The following CA8 variants were observed in gnomAD, a reference collection of about 807,000 sequenced individuals.
The protein encoded by CA8 is carbonic anhydrase 8 (inactive), also known as carbonic anhydrase-related protein.
Under a neutral mutation model 41.4 loss-of-function variants are expected in CA8, and 22 were observed. The observed-to-expected ratio is 0.53, with a 90% CI of 0.38 to 0.76. The LOEUF (loss-of-function observed/expected upper bound fraction) is 0.76, where lower values mean the gene tolerates loss of function less well. Ranked by LOEUF, CA8 falls within the 30% of genes least tolerant of loss-of-function variation. The pLI is 0.00. For synonymous variants in CA8, 121 were observed against 130.6 expected (o/e 0.93, Z 0.50); for missense variants, 270 against 352.8 (o/e 0.77, Z 1.88).
In CA8 at chr8:60,212,395, T is replaced by C. The variant is rs527595788; in HGVS notation, c.739-3476A>G. Among the ~76,000 whole-genome samples the C allele has an allele frequency of 2.0e-5, 3 of 152,318 alleles. 1 individual carries two copies. In the Middle Eastern group the frequency reaches 0.01, roughly 518 times the overall value. Reference sequence around the variant, plus strand: ...AAAAGAGAAATACAACACATAAAAGTCAGTATGCTCTATCCATTAACCCAT... The same window carrying C: ...AAAAGAGAAATACAACACATAAAAGCCAGTATGCTCTATCCATTAACCCAT... On this transcript the variant is annotated intron_variant, in intron 7 of 8. Transcript: ENST00000317995.
At chr8:60,222,225 C>T (rs1162637237) in intron 7 of CA8, among the ~76,000 whole-genome samples, 1 of 152,170 alleles carries the variant, frequency 6.6e-6, no homozygotes, top group South Asian at 2.1e-4. Context: ...TAGGGCACTC[C>T]TTCTGGGTCC....
intron 2 of CA8, among the ~76,000 whole-genome samples, chr8:60,274,155 G>C (rs1804154404): frequency 2.3e-5 from 1 of 43,882 alleles, no homozygotes; most frequent in African/African-American, 1.2e-4. Context: ...TTCTTGTGTG[G>C]ATTTTTTTTT....
At chr8:60,279,000 C>T (rs80275079) in intron 2 of CA8, among the ~76,000 whole-genome samples, 2,981 of 152,220 alleles carry the variant, frequency 0.02, 84 homozygotes, top group African/African-American at 0.066. Flanking sequence ...CTCTTTCCTA[C>T]GATAAAGCCA....
At chr8:60,249,405 C>A (rs1808363854) in intron 3 of CA8, among the ~76,000 whole-genome samples, 1 of 152,094 alleles carries the variant, frequency 6.6e-6, no homozygotes. Context: ...TACCTAAAAC[C>A]AATGCACTCA....
intron 7 of CA8, among the ~76,000 whole-genome samples, chr8:60,211,307 T>TA (rs1165674981): frequency 6.6e-6 from 1 of 152,228 alleles, no homozygotes; most frequent in Non-Finnish European, 1.5e-5. Context: ...GATAAATATT[T>TA]AGCTACAGTT....
rs189335428 is a variant in CA8 at position 60,207,143 on chromosome 8, G to A, written c.*35+1607C>T. ...AAACTCTCTAACCTCTGCCCATGTC[G>A]TGGTGAAGAAAAAGGGCTCTGCCAG... On this transcript the variant is annotated intron_variant, in intron 8 of 8. Coordinates refer to ENST00000317995, the MANE Select transcript of CA8 (RefSeq NM_004056.6). Among the ~76,000 whole-genome samples, 850 of 152,156 alleles carry A rather than the reference G, an allele frequency of 5.6e-3. 8 individuals carry two copies. Among genetic ancestry groups the A allele is most frequent in the African/African-American group, 0.019 (778 of 41,518 alleles).
intron 3 of CA8, chr8:60,232,676 TG>T (rs1807697005): frequency 4.7e-6 from 2 of 425,408 alleles, no homozygotes; most frequent in Non-Finnish European, 8.8e-6. Context: ...TATCTTTCCT[TG>T]GATGTCATCC....
At chr8:60,190,957 T>TATATATATATATAC (rs1554573722) in intron 8 of CA8, among the ~76,000 whole-genome samples, 10 of 104,244 alleles carry the variant, frequency 9.6e-5, no homozygotes, top group African/African-American at 3.1e-4. Flanking sequence ...TATATATATA[T>TATATATATATATAC]ACACACACAC....
intron 6 of CA8, among the ~76,000 whole-genome samples, chr8:60,223,051 T>C (rs561974415): frequency 6.6e-6 from 1 of 152,376 alleles, no homozygotes; most frequent in East Asian, 1.9e-4. Context: ...GTTTTTTCAC[T>C]TTATTAAAGA....
chr8:60,192,070 TTTC>T, intron 8 of CA8, among the ~76,000 whole-genome samples: 1 of 152,076 alleles, frequency 6.6e-6, no homozygotes, highest in South Asian at 2.1e-4. Context: ...CTATTGAGCT[TTTC>T]TTACTTATAT....
chr8:60,223,468 C>CT (rs67131458), intron 6 of CA8, among the ~76,000 whole-genome samples: 3 of 152,036 alleles, frequency 2.0e-5, no homozygotes, highest in African/African-American at 4.8e-5. Context: ...ATTATTTCTT[C>CT]TTTTTTTGAG....
At chr8:60,207,142 C>G (rs558709082) in intron 8 of CA8, among the ~76,000 whole-genome samples, 1 of 152,070 alleles carries the variant, frequency 6.6e-6, no homozygotes, top group Non-Finnish European at 1.5e-5. Context: ...CTGCCCATGT[C>G]GTGGTGAAGA....
At chr8:60,202,593 T>A (rs1806467205) in intron 8 of CA8, among the ~76,000 whole-genome samples, 1 of 152,202 alleles carries the variant, frequency 6.6e-6, no homozygotes, top group Non-Finnish European at 1.5e-5. Context: ...CTTCATGCTG[T>A]GTCTAAGATA....
intron 2 of CA8, among the ~76,000 whole-genome samples, chr8:60,277,442 C>T (rs1804277652): frequency 6.6e-6 from 1 of 152,092 alleles, no homozygotes; most frequent in Admixed American, 6.6e-5. Flanking sequence ...CAACCTCCGC[C>T]TCCCAGGTTC....
At chr8:60,217,929 G>C (rs562508188) in intron 7 of CA8, among the ~76,000 whole-genome samples, 1 of 152,196 alleles carries the variant, frequency 6.6e-6, no homozygotes, top group Admixed American at 6.5e-5. Context: ...TTCAAATTCG[G>C]TCATATCTCT....
chr8:60,226,635 T>A (rs1202569175), intron 5 of CA8, among the ~76,000 whole-genome samples: 3 of 152,178 alleles, frequency 2.0e-5, no homozygotes, highest in Non-Finnish European at 2.9e-5. Flanking sequence ...CATCCTCAAG[T>A]GACTCCACTG....
intron 3 of CA8, 74 bp downstream of exon 3, chr8:60,265,850 TA>T: frequency 2.0e-6 from 3 of 1,519,982 alleles, no homozygotes; most frequent in Non-Finnish European, 2.7e-6. Flanking sequence ...ACTTTTAAAC[TA>T]AATCATTTTC....
intron 4 of CA8, among the ~76,000 whole-genome samples, chr8:60,227,515 A>G (rs1585876226): frequency 6.9e-6 from 1 of 145,782 alleles, no homozygotes. Flanking sequence ...TATGTAGTAT[A>G]TCAAATTACA....
intron 7 of CA8, among the ~76,000 whole-genome samples, chr8:60,220,438 G>A (rs1190252854): frequency 6.6e-6 from 1 of 152,184 alleles, no homozygotes; most frequent in African/African-American, 2.4e-5. Context: ...GAAGCCAGAA[G>A]TTCAGAACTC....
Sources: allele counts gnomAD v4.1 joint callset (sites outside exome capture counted in the v4.1 genomes callset), GRCh38; gene constraint gnomAD v4.1.1; transcripts MANE v1.5; gene names NCBI Gene and HGNC (gene_info 2026-07-23, HGNC 2026-07-21).